Variants in EPB41L1 observed in about 807,000 individuals in gnomAD.
EPB41L1 encodes erythrocyte membrane protein band 4.1 like 1.
Under a neutral mutation model 97.8 loss-of-function variants are expected in EPB41L1, and 29 were observed. The ratio of observed to expected loss-of-function variants is 0.30; its 90% CI spans 0.22 to 0.40. The LOEUF is 0.40. Ranked by LOEUF, EPB41L1 falls within the 10% of genes least tolerant of loss-of-function variation. The pLI is 1.00. For synonymous variants in EPB41L1, 383 were observed against 459.2 expected (o/e 0.83, Z 2.12); for missense variants, 812 against 1,162.3 (o/e 0.70, Z 4.38).
intron 14 of EPB41L1, chr20:36,208,551 C>T (rs2062956295): frequency 4.4e-6 from 1 of 224,952 alleles, no homozygotes; most frequent in South Asian, 4.7e-5. Context: ...CCTCACACCT[C>T]TCAACCTTCC....
chr20:36,225,010 C>T (rs1282961138), intron 21 of EPB41L1, among the ~76,000 whole-genome samples: 4 of 152,100 alleles, frequency 2.6e-5, no homozygotes, highest in Admixed American at 1.3e-4. Context: ...TTAGTAGAGA[C>T]GGGGTTTCAC....
intron 18 of EPB41L1, among the ~76,000 whole-genome samples, chr20:36,219,455 GC>G (rs2063645153): frequency 6.6e-6 from 1 of 152,180 alleles, no homozygotes; most frequent in East Asian, 1.9e-4. Context: ...CATCAGGAGG[GC>G]TGTGTTTCCA....
rs913007666 is a variant in EPB41L1 at position 36,230,404 on chromosome 20, A to T, written c.*1064A>T. 3.3e-5 allele frequency: 5 copies of T among 152,642 alleles called. No individual in the cohort carries two copies. Among genetic ancestry groups the T allele is most frequent in the African/African-American group, 1.2e-4 (5 of 41,424 alleles). 9.5% of individuals were successfully genotyped at this position (152,642 alleles called of 1,614,324 possible). A position where few individuals can be genotyped will look rare whatever the true frequency, so the allele number is the denominator to read the frequency against. Reference sequence around the variant, plus strand: ...ATCCTGAGGTTCCTAGATCTCACTGAACTGGCCCAGCTAAGGAGACCTGGA... The same window carrying T: ...ATCCTGAGGTTCCTAGATCTCACTGTACTGGCCCAGCTAAGGAGACCTGGA... On this transcript the variant is annotated 3_prime_UTR_variant, in exon 22 of 22. Coordinates refer to ENST00000338074, the MANE Select transcript of EPB41L1 (RefSeq NM_012156.2).
At chr20:36,198,283 C>T (rs997161668) in intron 14 of EPB41L1, among the ~76,000 whole-genome samples, 2 of 152,214 alleles carry the variant, frequency 1.3e-5, no homozygotes, top group African/African-American at 4.8e-5. Flanking sequence ...GCTTGGCGTA[C>T]TCCCCTTCCA....
intron 17 of EPB41L1, among the ~76,000 whole-genome samples, chr20:36,217,315 A>G (rs867726291): frequency 3.3e-5 from 5 of 152,198 alleles, no homozygotes; most frequent in African/African-American, 1.2e-4. Flanking sequence ...ATGAGGCAGC[A>G]GAAGCTGTTG....
chr20:36,094,183 T>C (rs190145838), intron 1 of EPB41L1, among the ~76,000 whole-genome samples: 1 of 152,328 alleles, frequency 6.6e-6, no homozygotes, highest in East Asian at 1.9e-4. Flanking sequence ...TCTTGATGTA[T>C]ATGTGTGTGT....
At position 36,229,651 on chromosome 20, in the gene EPB41L1, A is replaced by G; in HGVS notation, c.*311A>G. The G allele has an allele frequency of 3.7e-6, 1 of 272,648 alleles. No homozygotes were observed. Among genetic ancestry groups the G allele is most frequent in the Non-Finnish European group, 6.9e-6 (1 of 145,606 alleles). 16.9% of individuals were successfully genotyped at this position (272,648 alleles called of 1,614,324 possible). On this transcript the variant is annotated 3_prime_UTR_variant, in exon 22 of 22. Transcript: ENST00000338074. The stretch of plus-strand genomic sequence containing the variant: ...AAGAACTGGTGGGATTTTTTTCAAG[A>G]AAAAAAATTATATAATAACTATAAT...
At chr20:36,156,964 G>A (rs556014114) in intron 1 of EPB41L1, among the ~76,000 whole-genome samples, 182 of 152,228 alleles carry the variant, frequency 1.2e-3, no homozygotes, top group Non-Finnish European at 2.2e-3. Context: ...CATTGCGCAC[G>A]CCTGTAATCC....
chr20:36,198,428 T>G (rs913220484), intron 14 of EPB41L1, among the ~76,000 whole-genome samples: 1 of 152,248 alleles, frequency 6.6e-6, no homozygotes, highest in Non-Finnish European at 1.5e-5. Context: ...AGGCTTTTCA[T>G]GCACACTACA....
At chr20:36,099,609 G>T (rs2057945168) in intron 1 of EPB41L1, among the ~76,000 whole-genome samples, 2 of 152,154 alleles carry the variant, frequency 1.3e-5, no homozygotes, top group Admixed American at 1.3e-4. Context: ...TTGCCTGTTT[G>T]TGCTCAGAGG....
chr20:36,146,781 G>C (rs939831751), intron 2 of EPB41L1, among the ~76,000 whole-genome samples: 1 of 151,998 alleles, frequency 6.6e-6, no homozygotes, highest in African/African-American at 2.4e-5. Context: ...AATTCTGCTG[G>C]GTCTGGCTTG....
intron 17 of EPB41L1, among the ~76,000 whole-genome samples, chr20:36,217,457 G>A (rs1363325063): frequency 6.6e-6 from 1 of 152,204 alleles, no homozygotes; most frequent in Non-Finnish European, 1.5e-5. Flanking sequence ...ACTGGCCAAG[G>A]ATACAGGAGA....
At chr20:36,115,762 C>T (rs994832931) in intron 2 of EPB41L1, among the ~76,000 whole-genome samples, 1 of 152,116 alleles carries the variant, frequency 6.6e-6, no homozygotes, top group Non-Finnish European at 1.5e-5. Context: ...CGTGGTGGAG[C>T]ATGCCTGTAA....
Position 36,207,448 on chromosome 20 carries a change from A to G in EPB41L1, c.1669-2040A>G. 1.6e-6 allele frequency: 2 copies of G among 1,289,804 alleles called. No individual in the cohort carries two copies. The highest frequency in any genetic ancestry group is 2.0e-6 in the Non-Finnish European group (2 of 988,862). The allele number at this position is 1,289,804 out of a possible 1,614,324, so 79.9% of individuals were successfully genotyped here. On this transcript the variant is annotated intron_variant, in intron 14 of 21. Coordinates refer to ENST00000338074, the MANE Select transcript of EPB41L1 (RefSeq NM_012156.2). The surrounding 1 kb of genome is among the most constrained non-coding windows in gnomAD (Gnocchi z 4.9). ...AGATATTAGCAAGACCTCAGTGGCC[A>G]ACAAAATTCGGATATTTGAGACCCA...
intron 13 of EPB41L1, 95 bp from the exon 14 acceptor site, chr20:36,197,764 G>A (rs1342377593): frequency 5.0e-6 from 8 of 1,609,106 alleles, no homozygotes; most frequent in Admixed American, 1.7e-5. Flanking sequence ...TGCTGGTGGA[G>A]GGTGGTGATG....
At chr20:36,224,711 T>A (rs1017557320) in intron 21 of EPB41L1, among the ~76,000 whole-genome samples, 1 of 152,190 alleles carries the variant, frequency 6.6e-6, no homozygotes, top group Admixed American at 6.5e-5. Context: ...GAAACTAAAA[T>A]TGAGAAATTT....
chr20:36,129,836 G>A (rs1051839877), intron 2 of EPB41L1, among the ~76,000 whole-genome samples: 2 of 151,894 alleles, frequency 1.3e-5, no homozygotes, highest in African/African-American at 2.4e-5. Context: ...ACTCACAGGT[G>A]CAATCACAGC....
chr20:36,170,327 GAAGA>G lies in EPB41L1; in HGVS notation c.-14-3434_-14-3431del, dbSNP rs2060935610. Reference sequence around the variant, plus strand: ...CAAAACCAAGAACTACAGTTAAACAGAAGAAAAAATAATAATCTGTCTTCCCGCC... The same window carrying G: ...CAAAACCAAGAACTACAGTTAAACAGAAAAATAATAATCTGTCTTCCCGCC... On this transcript the variant is annotated intron_variant, in intron 1 of 21. Transcript: ENST00000338074. 7.9e-5 allele frequency among the ~76,000 whole-genome samples: 12 copies of G among 152,106 alleles called. No individual in the cohort carries two copies. The South Asian group carries it at 2.5e-3, about 32-fold the overall frequency.
In EPB41L1 at chr20:36,101,419, C is replaced by T. The variant is rs181871071; in HGVS notation, c.-65+9807C>T. On this transcript the variant is annotated intron_variant, in intron 1 of 19. Coordinates refer to the EPB41L1 transcript ENST00000202028. ...AGTCAGCTTGTTGAGCCTCCACCCA[C>T]CCCAACCGAGACCATTATGTTGGTC... Among the ~76,000 whole-genome samples, 22 of 152,246 alleles carry T rather than the reference C, an allele frequency of 1.4e-4. No homozygotes were observed. The East Asian group carries it at 4.3e-3, about 30-fold the overall frequency.
Sources: gnomAD v4.1 joint callset for allele counts (sites outside exome capture counted in the v4.1 genomes callset) on GRCh38, gnomAD v4.1.1 for gene constraint, Gnocchi (gnomAD v3.1) non-coding constraint, MANE v1.5 for transcripts, NCBI Gene and HGNC (gene_info 2026-07-23, HGNC 2026-07-21) for gene names.